Variants in SMARCAD1 observed in about 807,000 individuals in gnomAD.
SMARCAD1 encodes SWI/SNF-related matrix-associated actin-dependent regulator of chromatin subfamily A containing DEAD/H box 1.
In SMARCAD1, 25 loss-of-function variants were observed where a neutral mutation model predicts 127.1. The ratio of observed to expected loss-of-function variants is 0.20; its 90% CI spans 0.14 to 0.27. The LOEUF (loss-of-function observed/expected upper bound fraction) is 0.27. SMARCAD1 is among the 10% of genes least tolerant of loss of function. The pLI is 1.00. For synonymous variants in SMARCAD1, 400 were observed against 396.9 expected (o/e 1.01, Z -0.09); for missense variants, 807 against 1,206.0 (o/e 0.67, Z 4.90).
Position 94,278,445 on chromosome 4 carries a change from A to G in SMARCAD1, c.2106A>G (p.Ile702Met). 6.2e-7 allele frequency: 1 copy of G among 1,613,780 alleles called. No homozygotes were observed. Among genetic ancestry groups the G allele is most frequent in the Non-Finnish European group, 8.5e-7 (1 of 1,179,758 alleles). The change falls in exon 17 of 24, where the codon ATA (isoleucine) becomes ATG (methionine). Residue 702 changes from isoleucine to methionine, a missense_variant. Around this residue, in one of 8 missense-constraint regions of SMARCAD1, gnomAD observed 148 missense variants for 313.2 expected, o/e 0.47. Coordinates refer to ENST00000354268, the MANE Select transcript of SMARCAD1 (RefSeq NM_020159.5). ...AGAAATCAGCAGATGAGCAAAGCAT[A>G]TATGAAAAGGAGAGAATAGCACATG... ...SKTKSADEQS[I>M]YEKERIAHAK...
intron 11 of SMARCAD1, 94 bp from the exon 12 acceptor site, chr4:94,273,523 T>C (rs1006192368): frequency 3.3e-6 from 3 of 918,856 alleles, no homozygotes; most frequent in Non-Finnish European, 5.2e-6. Context: ...CAAAAGTGAA[T>C]ACAGCACAGA....
chr4:94,263,364 G>C (rs1259273788), intron 9 of SMARCAD1, among the ~76,000 whole-genome samples: 1 of 152,058 alleles, frequency 6.6e-6, no homozygotes, highest in Non-Finnish European at 1.5e-5. Flanking sequence ...TATCTATACT[G>C]CTGCTTATGA....
intron 10 of SMARCAD1, among the ~76,000 whole-genome samples, chr4:94,268,034 A>T (rs1400454318): frequency 1.3e-5 from 2 of 152,162 alleles, no homozygotes; most frequent in Non-Finnish European, 2.9e-5. Flanking sequence ...CTGAGAAAGG[A>T]TCTGTAATTG....
intron 10 of SMARCAD1, among the ~76,000 whole-genome samples, chr4:94,268,273 A>AC (rs930079405): frequency 6.6e-6 from 1 of 152,100 alleles, no homozygotes; most frequent in African/African-American, 2.4e-5. Context: ...TTTCCTCATC[A>AC]CTTTTTAAAA....
At chr4:94,238,621 G>T (rs1361261464) in intron 5 of SMARCAD1, among the ~76,000 whole-genome samples, 1 of 151,944 alleles carries the variant, frequency 6.6e-6, no homozygotes, top group Non-Finnish European at 1.5e-5. Flanking sequence ...TCAAAAGAAA[G>T]AAAGAAAGAA....
At chr4:94,211,856 G>A (rs1450964105) in intron 2 of SMARCAD1, among the ~76,000 whole-genome samples, 5 of 152,094 alleles carry the variant, frequency 3.3e-5, no homozygotes, top group African/African-American at 1.2e-4. Flanking sequence ...GACCTTCCTT[G>A]ATCACCCTGT....
intron 16 of SMARCAD1, among the ~76,000 whole-genome samples, chr4:94,277,596 A>G (rs1196024614): frequency 6.6e-6 from 1 of 152,210 alleles, no homozygotes; most frequent in African/African-American, 2.4e-5. Context: ...CATAAAACCA[A>G]AGTCACAACT....
intron 14 of SMARCAD1, among the ~76,000 whole-genome samples, chr4:94,275,849 T>C (rs1290708720): frequency 6.9e-6 from 1 of 145,948 alleles, no homozygotes; most frequent in Non-Finnish European, 1.5e-5. Context: ...CAGGCTAGAG[T>C]GCAGTGGCGC....
In SMARCAD1 at chr4:94,255,333, G is replaced by A. The variant is rs187068369; in HGVS notation, c.1281+2326G>A. ...CATTAAAAAATGCATACTTGAGCCCGTGAATAAAGTACATATATACAATAG... is the reference window on the plus strand; with the variant it reads ...CATTAAAAAATGCATACTTGAGCCCATGAATAAAGTACATATATACAATAG... On this transcript the variant is annotated intron_variant, in intron 9 of 23. Coordinates refer to ENST00000354268, the MANE Select transcript of SMARCAD1 (RefSeq NM_020159.5). Among the ~76,000 whole-genome samples, 248 of 152,038 alleles carry A rather than the reference G, an allele frequency of 1.6e-3. 1 individual carries two copies. The highest frequency in any genetic ancestry group is 5.3e-3 in the African/African-American group (221 of 41,538).
In SMARCAD1 at chr4:94,208,325, CTCTT is replaced by C. The variant is rs761244082; in HGVS notation, c.-49-19_-49-16del. 7.3e-6 allele frequency: 11 copies of C among 1,517,050 alleles called. No individual in the cohort carries two copies. The highest frequency in any genetic ancestry group is 8.2e-6 in the Non-Finnish European group (9 of 1,093,622). The allele number at this position is 1,517,050 out of a possible 1,614,324, so 94.0% of individuals were successfully genotyped here. ...TATTGTTTTCATGGCCTTTTTTCCTCTCTTTATTTTTCCCCTGCAGATAGTTCAT... is the reference window on the plus strand; with the variant it reads ...TATTGTTTTCATGGCCTTTTTTCCTCTATTTTTCCCCTGCAGATAGTTCAT... On this transcript the variant is annotated splice_polypyrimidine_tract_variant and intron_variant, in intron 1 of 23. Coordinates refer to ENST00000354268, the MANE Select transcript of SMARCAD1 (RefSeq NM_020159.5).
rs944591007 is a variant in SMARCAD1, at chr4:94,223,734, A to ATTTTTTT, written c.191-2365_191-2359dup. ...TGGCGTGCACCACCACTCCCGGCTAATTTTTTTTTTTTTTTTTTTTTTTTT... is the reference window on the plus strand; with the variant it reads ...TGGCGTGCACCACCACTCCCGGCTAATTTTTTTTTTTTTTTTTTTTTTTTTTTTTTTT... On this transcript the variant is annotated intron_variant, in intron 2 of 23. Coordinates refer to ENST00000354268, the MANE Select transcript of SMARCAD1 (RefSeq NM_020159.5). Among the ~76,000 whole-genome samples, 65 of 100,164 alleles carry ATTTTTTT rather than the reference A, an allele frequency of 6.5e-4. 1 individual carries two copies. The highest frequency in any genetic ancestry group is 2.4e-3 in the African/African-American group (64 of 27,164). The allele number at this position is 100,164 out of a possible 152,430, so 65.7% of individuals were successfully genotyped here. A position where few individuals can be genotyped will look rare whatever the true frequency, so the allele number is the denominator to read the frequency against.
rs972871049 is a variant in SMARCAD1 at position 94,226,221 on chromosome 4, G to T, written c.293G>T (p.Ser98Ile). Residue 98 changes from serine to isoleucine, a missense_variant, in exon 3 of 24, where the codon AGT becomes ATT. Ser to Ile is a moderately radical substitution (Grantham distance 142, BLOSUM62 -2). Coordinates refer to ENST00000354268, the MANE Select transcript of SMARCAD1 (RefSeq NM_020159.5). ...CAGTATATTGATTTGTCTTCTGATA[G>T]TGAAGATGTCGTTTCCCCAAATTGC... ...GIQYIDLSSD[S>I]EDVVSPNCSN... The T allele has an allele frequency of 6.2e-7, 1 of 1,612,938 alleles. No individual in the cohort carries two copies. Among genetic ancestry groups the T allele is most frequent in the African/African-American group, 1.3e-5 (1 of 74,882 alleles).
intron 10 of SMARCAD1, among the ~76,000 whole-genome samples, chr4:94,265,206 GAA>G (rs1751552667): frequency 6.6e-6 from 1 of 151,798 alleles, no homozygotes; most frequent in Non-Finnish European, 1.5e-5. Context: ...CAGAGAAACT[GAA>G]AAAGTGGTTT....
intron 14 of SMARCAD1, among the ~76,000 whole-genome samples, chr4:94,275,511 G>C (rs1753126662): frequency 6.6e-6 from 1 of 152,042 alleles, no homozygotes; most frequent in Admixed American, 6.5e-5. Context: ...CTGGCTTCTT[G>C]TGTAGGAGTC....
chr4:94,225,493 T>G (rs1467455082), intron 2 of SMARCAD1, among the ~76,000 whole-genome samples: 2 of 152,100 alleles, frequency 1.3e-5, no homozygotes, highest in Admixed American at 6.5e-5. Context: ...ACACATGACC[T>G]CAGTTAAACC....
At chr4:94,218,802 A>G (rs1185970314) in intron 2 of SMARCAD1, among the ~76,000 whole-genome samples, 2 of 151,970 alleles carry the variant, frequency 1.3e-5, no homozygotes, top group African/African-American at 2.4e-5. Context: ...CAGATTTTAT[A>G]GTCTATTGTT....
At chr4:94,285,348 C>A (rs938657117) in intron 23 of SMARCAD1, among the ~76,000 whole-genome samples, 2 of 152,272 alleles carry the variant, frequency 1.3e-5, no homozygotes, top group Non-Finnish European at 1.5e-5. Flanking sequence ...CCCCATCTCC[C>A]AACTTCCCCA....
intron 8 of SMARCAD1, among the ~76,000 whole-genome samples, chr4:94,252,130 G>A (rs1009587396): frequency 2.0e-5 from 3 of 152,322 alleles, no homozygotes; most frequent in Non-Finnish European, 4.4e-5. Flanking sequence ...GATTACAGGC[G>A]TGAGCCACCA....
At chr4:94,241,069 T>C (rs1322209373) in intron 6 of SMARCAD1, 63 bp downstream of exon 6, 2 of 1,148,726 alleles carry the variant, frequency 1.7e-6, no homozygotes, top group Admixed American at 3.5e-5. Context: ...ATGTGGAGTT[T>C]GTGGATATTA....
Sources: allele counts gnomAD v4.1 joint callset (sites outside exome capture counted in the v4.1 genomes callset), GRCh38; gene constraint gnomAD v4.1.1; regional missense constraint gnomAD v4.1.1; transcripts MANE v1.5; gene names NCBI Gene and HGNC (gene_info 2026-07-23, HGNC 2026-07-21).